DNAH6: variants seen among roughly 807,000 people sequenced by gnomAD.
DNAH6 encodes dynein axonemal heavy chain 6.
A neutral mutation model predicts 491.4 loss-of-function variants in DNAH6; 340 were observed. The observed-to-expected ratio is 0.69, with a 90% CI of 0.63 to 0.76. The LOEUF (loss-of-function observed/expected upper bound fraction) is 0.76. DNAH6 is among the 30% of genes least tolerant of loss of function. DNAH6 has a pLI of 0.00. For synonymous variants in DNAH6, 1,603 were observed against 1,686.1 expected (o/e 0.95, Z 1.21); for missense variants, 4,443 against 4,972.2 (o/e 0.89, Z 3.20).
Position 84,564,383 on chromosome 2 carries a change from T to C in DNAH6, c.1803+6448T>C, listed in dbSNP as rs530466535. Among the ~76,000 whole-genome samples, 4 of 152,308 alleles carry C rather than the reference T, an allele frequency of 2.6e-5. No homozygotes were observed. In the South Asian group the frequency reaches 6.2e-4, roughly 24 times the overall value. Reference sequence around the variant, plus strand: ...TTCAGCAGTGTTTTGTAGTTCTCCATGTAGAAATCTTTTATCTCCTTGGTT... The same window carrying C: ...TTCAGCAGTGTTTTGTAGTTCTCCACGTAGAAATCTTTTATCTCCTTGGTT... On this transcript the variant is annotated intron_variant, in intron 11 of 76. Transcript: ENST00000389394.
chr2:84,779,319 A>G (rs1386054451), intron 64 of DNAH6, among the ~76,000 whole-genome samples: 1 of 152,160 alleles, frequency 6.6e-6, no homozygotes, highest in Non-Finnish European at 1.5e-5. Flanking sequence ...GAATCTGGGT[A>G]TTCCAATGTT....
chr2:84,623,630 G>T (rs1687598527), intron 26 of DNAH6, among the ~76,000 whole-genome samples: 1 of 152,108 alleles, frequency 6.6e-6, no homozygotes, highest in African/African-American at 2.4e-5. Context: ...CCTAAAAAAA[G>T]TTCCTTTGCC....
chr2:84,689,859 A>G (rs1694670807), intron 45 of DNAH6, among the ~76,000 whole-genome samples: 1 of 152,112 alleles, frequency 6.6e-6, no homozygotes, highest in African/African-American at 2.4e-5. Context: ...CTCTAACTCC[A>G]CTGTGGGTGC....
chr2:84,810,678 G>A (rs919936986), intron 72 of DNAH6, among the ~76,000 whole-genome samples: 2 of 152,318 alleles, frequency 1.3e-5, no homozygotes, highest in East Asian at 3.9e-4. Flanking sequence ...AAAGCCAGGG[G>A]AAGGGAGCAG....
chr2:84,729,038 A>G (rs1486400490), intron 61 of DNAH6, among the ~76,000 whole-genome samples: 2 of 151,976 alleles, frequency 1.3e-5, no homozygotes, highest in South Asian at 2.1e-4. Flanking sequence ...TCAGCACCCC[A>G]TGTTCCCAGA....
upstream of DNAH6, chr2:84,516,460 C>G (rs935103628): frequency 6.6e-6 from 1 of 152,196 alleles, no homozygotes; most frequent in Admixed American, 6.5e-5. Context: ...GCAGTGCTTC[C>G]GTAGAGGCCA....
chr2:84,594,050 T>C lies in DNAH6; in HGVS notation c.2689T>C (p.Ser897Pro). ...CAAACAATTGCTCTGGGATTCTTTC[T>C]CTGAATGGGATAAACTCCAACAAGA... The part of the protein sequence containing the change: ...KLKQLLWDSF[S>P]EWDKLQQEWL... The change falls in exon 17 of 77, where the codon TCT becomes CCT. Residue 897 changes from serine to proline, a missense_variant. Physicochemically the swap from Ser to Pro is moderately conservative, Grantham distance 74 (BLOSUM62 -1). Transcript: ENST00000389394. 1.3e-6 allele frequency: 2 copies of C among 1,550,492 alleles called. No individual in the cohort carries two copies. The highest frequency in any genetic ancestry group is 1.7e-4 in the Middle Eastern group (1 of 5,984).
At chr2:84,660,607 T>C (rs1691407461) in intron 37 of DNAH6, among the ~76,000 whole-genome samples, 1 of 152,038 alleles carries the variant, frequency 6.6e-6, no homozygotes, top group Non-Finnish European at 1.5e-5. Context: ...ACATAGTTTC[T>C]AAGTATTTAC....
intron 5 of DNAH6, among the ~76,000 whole-genome samples, chr2:84,545,544 A>T (rs1399380507): frequency 6.6e-6 from 1 of 152,110 alleles, no homozygotes; most frequent in African/African-American, 2.4e-5. Flanking sequence ...TCCTCGAGGC[A>T]TGTTCTCTTA....
At chr2:84,759,651 T>C (rs1227587567) in intron 63 of DNAH6, among the ~76,000 whole-genome samples, 3 of 152,120 alleles carry the variant, frequency 2.0e-5, no homozygotes, top group Non-Finnish European at 2.9e-5. Flanking sequence ...CTGATGCCCA[T>C]GGATAAGAAG....
At chr2:84,731,688 A>C (rs1699130324) in intron 61 of DNAH6, among the ~76,000 whole-genome samples, 1 of 152,204 alleles carries the variant, frequency 6.6e-6, no homozygotes, top group South Asian at 2.1e-4. Flanking sequence ...TGCTGTCTAA[A>C]ACAATAAAGT....
chr2:84,606,091 AG>A (rs2104297791), intron 20 of DNAH6, among the ~76,000 whole-genome samples: 1 of 152,386 alleles, frequency 6.6e-6, no homozygotes, highest in Non-Finnish European at 1.5e-5. Flanking sequence ...CAACCACAAA[AG>A]AAAATAAATC....
chr2:84,577,676 A>T (rs1464258699), intron 13 of DNAH6, among the ~76,000 whole-genome samples: 2 of 152,026 alleles, frequency 1.3e-5, no homozygotes, highest in Non-Finnish European at 2.9e-5. Flanking sequence ...GCATTTCAAG[A>T]CCTGCAGAGA....
At chr2:84,745,752 C>G (rs1368106114) in intron 63 of DNAH6, among the ~76,000 whole-genome samples, 1 of 151,964 alleles carries the variant, frequency 6.6e-6, no homozygotes, top group Non-Finnish European at 1.5e-5. Context: ...GAGAGCCAGC[C>G]AGGGCCATGG....
At chr2:84,548,248 A>G (rs766432991) in intron 7 of DNAH6, 40 bp from the exon 8 acceptor site, 2 of 1,550,428 alleles carry the variant, frequency 1.3e-6, no homozygotes, top group Admixed American at 2.1e-5. Flanking sequence ...TGGAACTTTT[A>G]CACAAGTACA....
chr2:84,704,692 G>A (rs1317397945), intron 51 of DNAH6, among the ~76,000 whole-genome samples: 1 of 152,204 alleles, frequency 6.6e-6, no homozygotes, highest in African/African-American at 2.4e-5. Context: ...GAGCTTTAAT[G>A]TTCTTGGAGT....
chr2:84,481,000 C>A, the DNAH6 span, among the ~76,000 whole-genome samples: 1 of 151,860 alleles, frequency 6.6e-6, no homozygotes, highest in African/African-American at 2.4e-5. Flanking sequence ...GAGGGCTTAT[C>A]TCACTCCAGG....
intron 32 of DNAH6, among the ~76,000 whole-genome samples, chr2:84,641,460 C>T (rs1197817162): frequency 6.6e-6 from 1 of 152,150 alleles, no homozygotes; most frequent in Non-Finnish European, 1.5e-5. Context: ...TAGAGACAGA[C>T]CAATGTGTAG....
chr2:84,619,668 G>T lies in DNAH6; in HGVS notation c.3573-17G>T. The T allele has an allele frequency of 3.2e-6, 5 of 1,543,594 alleles. No individual in the cohort carries two copies. The highest frequency in any genetic ancestry group is 4.4e-6 in the Non-Finnish European group (5 of 1,139,954). ...CTTCCATTTCAAGTTATATTTTAAG[G>T]ATGTTCTTTAATCCAGGTTTTACTT... On this transcript the variant is annotated splice_polypyrimidine_tract_variant and intron_variant, in intron 23 of 76. Transcript: ENST00000389394.
Sources: allele counts gnomAD v4.1 joint callset (sites outside exome capture counted in the v4.1 genomes callset), GRCh38; gene constraint gnomAD v4.1.1; transcripts MANE v1.5; gene names NCBI Gene and HGNC (gene_info 2026-07-23, HGNC 2026-07-21).